Variants in PCDHGA5 observed in about 807,000 individuals in gnomAD.
The protein encoded by PCDHGA5 is protocadherin gamma subfamily A, 5, also known as protocadherin gamma-A5.
Under a neutral mutation model 56.7 loss-of-function variants are expected in PCDHGA5, and 36 were observed. The ratio of observed to expected loss-of-function variants is 0.64; its 90% CI spans 0.49 to 0.84. The LOEUF (loss-of-function observed/expected upper bound fraction) is 0.84, where lower values mean the gene tolerates loss of function less well. Among genes scored for constraint, PCDHGA5 ranks in the 40% least tolerant of loss-of-function variants. The probability of loss-of-function intolerance (pLI) is 0.00; values close to 1 mark genes in which losing one functional copy is unlikely to be tolerated. For synonymous variants in PCDHGA5, 563 were observed against 520.2 expected, an observed-to-expected ratio of 1.08 and a Z score of -1.12; for missense variants, 1,305 against 1,201.5, an observed-to-expected ratio of 1.09 and a Z score of -1.27.
In PCDHGA5 at chr5:141,511,358, G is replaced by GT; in HGVS notation, c.*187dup. 1 of 1,355,398 alleles carries GT rather than the reference G, an allele frequency of 7.4e-7. No homozygotes were observed. Among genetic ancestry groups the GT allele is most frequent in the South Asian group, 1.5e-5 (1 of 66,198 alleles). 84.0% of individuals were successfully genotyped at this position (1,355,398 alleles called of 1,614,324 possible). On this transcript the variant is annotated 3_prime_UTR_variant, in exon 4 of 4. Transcript: ENST00000518069. ...GCACCTACCCCTTCCCCCCCAGGGG[G>GT]TTGAATATGCAAAAGCAGTTCCGCT...
chr5:141,366,221 G>C lies in PCDHGA5; in HGVS notation c.1891G>C (p.Ala631Pro), dbSNP rs774963460. 7 of 1,613,716 alleles carry C rather than the reference G, an allele frequency of 4.3e-6. No individual in the cohort carries two copies. The East Asian group carries it at 1.6e-4, about 36-fold the overall frequency. The part of the protein sequence containing the change: ...LHTGEVRTAR[A>P]LLDRDALKQS... ...CACGGGCGAGGTGCGCACAGCGCGA[G>C]CCCTGCTGGACAGAGACGCGCTCAA... Residue 631 changes from alanine (A) to proline (P), a missense_variant, in exon 1 of 4, where the codon GCC becomes CCC. Physicochemically the swap from Ala to Pro is conservative, Grantham distance 27 (BLOSUM62 -1). Coordinates refer to ENST00000518069, the MANE Select transcript of PCDHGA5 (RefSeq NM_018918.3).
At position 141,493,026 on chromosome 5, in the gene PCDHGA5, C is replaced by G. The variant is rs73280358; in HGVS notation, c.2422-1781C>G. Reference sequence around the variant, plus strand: ...TAGGCTCTGCCAGATGCCAGGGTGCCCTTATGTGTGAGGAAACTACAATAG... The same window carrying G: ...TAGGCTCTGCCAGATGCCAGGGTGCGCTTATGTGTGAGGAAACTACAATAG... On this transcript the variant is annotated intron_variant, in intron 1 of 3. Coordinates refer to ENST00000518069, the MANE Select transcript of PCDHGA5 (RefSeq NM_018918.3). This position sits in a 1 kb window ranked among gnomAD's most constrained non-coding sequence, Gnocchi z 4.3. 0.039 allele frequency among the ~76,000 whole-genome samples: 5,923 copies of G among 152,298 alleles called. 150 individuals are homozygous for G. The highest frequency in any genetic ancestry group is 0.077 in the South Asian group (370 of 4,822).
intron 1 of PCDHGA5, chr5:141,475,839 CAG>C: frequency 2.3e-6 from 1 of 433,254 alleles, no homozygotes; most frequent in Non-Finnish European, 4.1e-6. Flanking sequence ...GTGTCCTGCT[CAG>C]AGAGCCCGGC....
chr5:141,475,981 G>A, intron 1 of PCDHGA5: 1 of 1,042,940 alleles, frequency 9.6e-7, no homozygotes, highest in Non-Finnish European at 1.4e-6. Context: ...CTGAACAGCC[G>A]GCGAGCAAAT....
chr5:141,502,661 T>G (rs1440361647), intron 2 of PCDHGA5, among the ~76,000 whole-genome samples: 1 of 152,240 alleles, frequency 6.6e-6, no homozygotes. Flanking sequence ...CAACCCTTCA[T>G]GCAATTTTAG....
chr5:141,414,377 C>T (rs2095740461), intron 1 of PCDHGA5: 1 of 1,613,760 alleles, frequency 6.2e-7, no homozygotes, highest in South Asian at 1.1e-5. Context: ...TTAGAAAAGT[C>T]CATTGACAGT....
chr5:141,372,860 A>T (rs1224709282), intron 1 of PCDHGA5: 1 of 1,419,644 alleles, frequency 7.0e-7, no homozygotes, highest in African/African-American at 1.4e-5. Context: ...GTTTCAATTC[A>T]TTGATTTAGA....
chr5:141,423,195 G>C, intron 1 of PCDHGA5: 14 of 1,613,544 alleles, frequency 8.7e-6, no homozygotes, highest in Non-Finnish European at 1.2e-5. Flanking sequence ...CCCCTCTCTC[G>C]GCCACCGTCA....
In PCDHGA5 at chr5:141,489,576, C is replaced by T; in HGVS notation, c.2422-5231C>T. 1.9e-6 allele frequency: 3 copies of T among 1,614,054 alleles called. No individual in the cohort carries two copies. Among genetic ancestry groups the T allele is most frequent in the Non-Finnish European group, 2.5e-6 (3 of 1,179,976 alleles). Reference sequence around the variant, plus strand: ...TGCCAGTGCAGGTGGTGACTGAACACCCCCTGGAGCTAATCCGTGTAGAGG... The same window carrying T: ...TGCCAGTGCAGGTGGTGACTGAACATCCCCTGGAGCTAATCCGTGTAGAGG... On this transcript the variant is annotated intron_variant, in intron 1 of 3. Coordinates refer to ENST00000518069, the MANE Select transcript of PCDHGA5 (RefSeq NM_018918.3). This position sits in a 1 kb window ranked among gnomAD's most constrained non-coding sequence, Gnocchi z 4.5.
At chr5:141,495,014 G>A (rs561045298) in intron 2 of PCDHGA5, 149 bp downstream of exon 2, 13 of 1,510,430 alleles carry the variant, frequency 8.6e-6, no homozygotes, top group South Asian at 7.5e-5. Flanking sequence ...GCGGGGGGCT[G>A]GCACACAGAC....
In PCDHGA5 at chr5:141,511,284, G is replaced by A; in HGVS notation, c.*111G>A. Reference sequence around the variant, plus strand: ...AGGGCTAACCCCCAGAATACTGGTAGGGGCCAAGGCCATGCTCCCCTTGGG... The same window carrying A: ...AGGGCTAACCCCCAGAATACTGGTAAGGGCCAAGGCCATGCTCCCCTTGGG... On this transcript the variant is annotated 3_prime_UTR_variant, in exon 4 of 4. Coordinates refer to ENST00000518069, the MANE Select transcript of PCDHGA5 (RefSeq NM_018918.3). 6.5e-7 allele frequency: 1 copy of A among 1,528,376 alleles called. No individual in the cohort carries two copies. The highest frequency in any genetic ancestry group is 1.4e-5 in the African/African-American group (1 of 72,796). The allele number at this position is 1,528,376 out of a possible 1,614,324, so 94.7% of individuals were successfully genotyped here.
intron 1 of PCDHGA5, chr5:141,429,047 GGTTTCACC>G (rs1254088441): frequency 1.3e-5 from 2 of 152,034 alleles, no homozygotes; most frequent in Non-Finnish European, 2.9e-5. Flanking sequence ...GTACAGACGG[GGTTTCACC>G]GTGTTAGCCA....
rs1391608601 is a variant in PCDHGA5 at position 141,511,893 on chromosome 5, A to G, written c.*720A>G. The G allele has an allele frequency of 6.4e-6, 1 of 155,062 alleles. No homozygotes were observed. Among genetic ancestry groups the G allele is most frequent in the East Asian group, 1.9e-4 (1 of 5,240 alleles). 9.6% of individuals were successfully genotyped at this position (155,062 alleles called of 1,614,324 possible). A position where few individuals can be genotyped will look rare whatever the true frequency, so the allele number is the denominator to read the frequency against. On this transcript the variant is annotated 3_prime_UTR_variant, in exon 4 of 4. Transcript: ENST00000518069. ...TCCACTGCATGCCTTGACTTCCCCC[A>G]CCTCCTCCTCAAACAAGAGACTCCA...
At chr5:141,470,015 G>C (rs999085849) in intron 1 of PCDHGA5, among the ~76,000 whole-genome samples, 1 of 152,130 alleles carries the variant, frequency 6.6e-6, no homozygotes, top group Non-Finnish European at 1.5e-5. Context: ...TGTAATCCCA[G>C]CTACTCGGGA....
At chr5:141,448,822 G>A (rs924937891) in intron 1 of PCDHGA5, among the ~76,000 whole-genome samples, 4 of 152,048 alleles carry the variant, frequency 2.6e-5, no homozygotes, top group African/African-American at 9.7e-5. Context: ...GCGGGCGCCT[G>A]TAGTCCCAGC....
chr5:141,511,403 A>C lies in PCDHGA5; in HGVS notation c.*230A>C. On this transcript the variant is annotated 3_prime_UTR_variant, in exon 4 of 4. Coordinates refer to ENST00000518069, the MANE Select transcript of PCDHGA5 (RefSeq NM_018918.3). Reference sequence around the variant, plus strand: ...TCCGCTGGGAACCCCCATCCAATCAACTGCTGTACCCATGGGGGTAGTGGG... The same window carrying C: ...TCCGCTGGGAACCCCCATCCAATCACCTGCTGTACCCATGGGGGTAGTGGG... 8.5e-6 allele frequency: 8 copies of C among 939,018 alleles called. No individual in the cohort carries two copies. The highest frequency in any genetic ancestry group is 1.2e-5 in the Non-Finnish European group (8 of 650,834). The allele number at this position is 939,018 out of a possible 1,614,324, so 58.2% of individuals were successfully genotyped here. A position where few individuals can be genotyped will look rare whatever the true frequency, so the allele number is the denominator to read the frequency against.
chr5:141,419,481 C>T (rs2096389716), intron 1 of PCDHGA5: 1 of 1,612,422 alleles, frequency 6.2e-7, no homozygotes, highest in East Asian at 2.2e-5. Flanking sequence ...GGCTCGCCCG[C>T]GCTCAGCGCC....
intron 1 of PCDHGA5, chr5:141,417,999 TG>T: frequency 6.2e-7 from 1 of 1,613,838 alleles, no homozygotes; most frequent in Non-Finnish European, 8.5e-7. Context: ...GGCTCGGTGG[TG>T]GGGAACCTCG....
chr5:141,462,393 C>A (rs1465154354), intron 1 of PCDHGA5, among the ~76,000 whole-genome samples: 4 of 152,062 alleles, frequency 2.6e-5, no homozygotes, highest in African/African-American at 9.7e-5. Flanking sequence ...GTTAACATTT[C>A]TTTTATGGCA....
Sources: allele counts gnomAD v4.1 joint callset (sites outside exome capture counted in the v4.1 genomes callset), GRCh38; gene constraint gnomAD v4.1.1; non-coding constraint Gnocchi (gnomAD v3.1); transcripts MANE v1.5; gene names NCBI Gene and HGNC (gene_info 2026-07-23, HGNC 2026-07-21).